The following AGBL1 variants were observed in gnomAD, a reference collection of about 807,000 sequenced individuals.
AGBL1 encodes cytosolic carboxypeptidase 4.
A neutral mutation model predicts 118.9 loss-of-function variants in AGBL1; 130 were observed. The observed-to-expected ratio is 1.09, with a 90% CI of 0.95 to 1.26. The LOEUF is 1.26. Ranked by LOEUF, AGBL1 falls within the 50% of genes most tolerant of loss-of-function variation. The probability of loss-of-function intolerance (pLI) is 0.00; values close to 1 mark genes in which losing one functional copy is unlikely to be tolerated. For missense variants in AGBL1, 1,584 were observed against 1,298.1 expected (o/e 1.22, Z -3.38); for synonymous variants, 555 against 478.9 (o/e 1.16, Z -2.08).
intron 23 of AGBL1, among the ~76,000 whole-genome samples, chr15:86,985,702 G>T (rs2081274563): frequency 6.6e-6 from 1 of 151,984 alleles, no homozygotes; most frequent in African/African-American, 2.4e-5. Context: ...CCCAGTGGTG[G>T]TATTCAAAGG....
chr15:86,818,130 C>T (rs556938621), intron 22 of AGBL1, among the ~76,000 whole-genome samples: 24 of 151,920 alleles, frequency 1.6e-4, no homozygotes, highest in African/African-American at 4.6e-4. Context: ...CACACACATG[C>T]GCGTGAGAGA....
At chr15:86,649,528 A>T (rs1224888059) in intron 21 of AGBL1, among the ~76,000 whole-genome samples, 3 of 152,146 alleles carry the variant, frequency 2.0e-5, no homozygotes, top group Non-Finnish European at 4.4e-5. Flanking sequence ...ACCTATATTC[A>T]GTTACTTGGA....
At chr15:86,762,014 T>C (rs1348601447) in intron 22 of AGBL1, among the ~76,000 whole-genome samples, 2 of 152,028 alleles carry the variant, frequency 1.3e-5, no homozygotes, top group Non-Finnish European at 2.9e-5. Context: ...GTGGCACATA[T>C]ACACCATGGA....
rs2079015484 is a variant in AGBL1, at chr15:86,262,890, T to C, written c.1082T>C (p.Phe361Ser). The change falls in exon 10 of 23, where the codon TTT becomes TCT. Residue 361 changes from phenylalanine (F) to serine (S), a missense_variant. Coordinates refer to ENST00000614907, the MANE Select transcript of AGBL1 (RefSeq NM_001386094.1). ...EVMCLELSYS[F>S]EELQSKLGDD... is the part of the protein sequence containing the mutation. Reference sequence around the variant, plus strand: ...ATGTGTCTTGAGCTCTCCTATAGCTTTGAGGTAGGACATATGCTGTGGTTC... The same window carrying C: ...ATGTGTCTTGAGCTCTCCTATAGCTCTGAGGTAGGACATATGCTGTGGTTC... 5 of 1,599,426 alleles carry C rather than the reference T, an allele frequency of 3.1e-6. No individual in the cohort carries two copies. The South Asian group carries it at 3.4e-5, about 11-fold the overall frequency.
chr15:86,223,011 C>T (rs574812227), intron 5 of AGBL1, among the ~76,000 whole-genome samples: 1 of 152,272 alleles, frequency 6.6e-6, no homozygotes, highest in East Asian at 1.9e-4. Context: ...ATCTGGCTTT[C>T]AGAAAATGTG....
chr15:86,396,930 G>A (rs2081374226), intron 17 of AGBL1, among the ~76,000 whole-genome samples: 2 of 152,120 alleles, frequency 1.3e-5, no homozygotes, highest in African/African-American at 4.8e-5. Flanking sequence ...TTGTGATCTT[G>A]ATAAAATCTG....
intron 18 of AGBL1, among the ~76,000 whole-genome samples, chr15:86,515,225 A>G (rs2083105633): frequency 6.6e-6 from 1 of 152,176 alleles, no homozygotes; most frequent in African/African-American, 2.4e-5. Flanking sequence ...TAATACTTCT[A>G]ATTATACATT....
At chr15:86,954,183 A>C (rs572328553) in intron 23 of AGBL1, among the ~76,000 whole-genome samples, 1 of 152,360 alleles carries the variant, frequency 6.6e-6, no homozygotes, top group African/African-American at 2.4e-5. Context: ...GGGAACACTT[A>C]TAAACTGTTG....
At chr15:86,513,148 C>T (rs1437032284) in intron 18 of AGBL1, among the ~76,000 whole-genome samples, 1 of 151,900 alleles carries the variant, frequency 6.6e-6, no homozygotes, top group Admixed American at 6.6e-5. Flanking sequence ...TCAGATTTCA[C>T]CAATCATTCC....
rs144974223 is a variant in AGBL1 at position 86,867,460 on chromosome 15, G to A, written c.3159-39627G>A. On this transcript the variant is annotated intron_variant, in intron 22 of 22. Coordinates refer to ENST00000614907, the MANE Select transcript of AGBL1 (RefSeq NM_001386094.1). ...CCCGAGGATGAGGGATTCTGTATGT[G>A]GCAGGAGTGAAAACAACAGTTTTTT... is the stretch of plus-strand genomic sequence containing the variant. Among the ~76,000 whole-genome samples the A allele has an allele frequency of 6.2e-3, 940 of 152,208 alleles. 3 individuals are homozygous for A. Among genetic ancestry groups the A allele is most frequent in the South Asian group, 0.011 (53 of 4,812 alleles).
intron 22 of AGBL1, among the ~76,000 whole-genome samples, chr15:86,824,745 T>A (rs2078984446): frequency 6.6e-6 from 1 of 151,964 alleles, no homozygotes; most frequent in African/African-American, 2.4e-5. Flanking sequence ...CACATATAGA[T>A]CAATAGAACA....
In AGBL1 at chr15:86,224,960, C is replaced by T. The variant is rs1362498551; in HGVS notation, c.526+9C>T. 3 of 1,612,854 alleles carry T rather than the reference C, an allele frequency of 1.9e-6. No homozygotes were observed. Among genetic ancestry groups the T allele is most frequent in the South Asian group, 1.1e-5 (1 of 91,014 alleles). On this transcript the variant is annotated intron_variant, in intron 6 of 22. Transcript: ENST00000614907. ...AGCATTGCTGAAATCCAGTAAGCAC[C>T]TCTTTTGAAGGGTGGCTATTTCTCT... is the stretch of plus-strand genomic sequence containing the variant.
chr15:86,270,079 T>TG lies in AGBL1; in HGVS notation c.1987+16dup, dbSNP rs754628179. On this transcript the variant is annotated intron_variant, in intron 14 of 22. Coordinates refer to ENST00000614907, the MANE Select transcript of AGBL1 (RefSeq NM_001386094.1). ...CCAGTTTAATTATGGTATGAACGCTTGGGGAGCAGGGGCTTTCTGGAACAT... is the reference window on the plus strand; with the variant it reads ...CCAGTTTAATTATGGTATGAACGCTTGGGGGAGCAGGGGCTTTCTGGAACAT... 3.1e-6 allele frequency: 5 copies of TG among 1,605,768 alleles called. No homozygotes were observed. In the African/African-American group the frequency reaches 6.7e-5, roughly 21 times the overall value.
rs10556535 is a variant in AGBL1 at position 86,913,200 on chromosome 15, TACACACACAC to T, written c.*5925_*5934del. On this transcript the variant is annotated 3_prime_UTR_variant, in exon 23 of 23. Transcript: ENST00000614907. The stretch of plus-strand genomic sequence containing the variant: ...TTGAGTTCCCCACCACACACACACA[TACACACACAC>T]ACACACACACACACACACGGCACAG... 0.14 allele frequency: 20,560 copies of T among 148,468 alleles called. 1,906 individuals carry two copies. Among genetic ancestry groups the T allele is most frequent in the African/African-American group, 0.27 (11,143 of 40,634 alleles). 9.2% of individuals were successfully genotyped at this position (148,468 alleles called of 1,614,324 possible).
At chr15:86,276,444 A>G (rs1200201277) in intron 15 of AGBL1, among the ~76,000 whole-genome samples, 2 of 152,222 alleles carry the variant, frequency 1.3e-5, no homozygotes, top group Non-Finnish European at 2.9e-5. Flanking sequence ...TCACCTTGAA[A>G]GGATGTCATT....
At chr15:86,798,192 T>C (rs1441252959) in intron 22 of AGBL1, among the ~76,000 whole-genome samples, 2 of 152,236 alleles carry the variant, frequency 1.3e-5, no homozygotes, top group East Asian at 3.9e-4. Context: ...AAACAACCGA[T>C]TCCACCACAT....
At chr15:86,447,834 T>C (rs999798254) in intron 18 of AGBL1, among the ~76,000 whole-genome samples, 4 of 152,024 alleles carry the variant, frequency 2.6e-5, no homozygotes, top group Non-Finnish European at 5.9e-5. Context: ...GAACTAATAA[T>C]ATAAGGCAAC....
Position 86,262,822 on chromosome 15 carries a change from T to C in AGBL1, c.1014T>C (p.Pro338=), listed in dbSNP as rs575477962. ...ETDVNKLSSK[P]GLDRPEEELM... ...ACGTGAACAAGCTGAGTTCCAAACC[T>C]GGTCTTGACCGACCTGAAGAGGAAC... Residue 338 remains proline, a synonymous_variant, in exon 10 of 23, where the codon CCT becomes CCC. Coordinates refer to ENST00000614907, the MANE Select transcript of AGBL1 (RefSeq NM_001386094.1). 14 of 1,611,318 alleles carry C rather than the reference T, an allele frequency of 8.7e-6. No homozygotes were observed. The African/African-American group carries it at 1.7e-4, about 20-fold the overall frequency.
At chr15:86,198,442 G>T (rs1475456227) in intron 5 of AGBL1, among the ~76,000 whole-genome samples, 1 of 152,142 alleles carries the variant, frequency 6.6e-6, no homozygotes, top group Non-Finnish European at 1.5e-5. Flanking sequence ...GGATGGAGTG[G>T]ATGTACTTTG....
Sources: gnomAD v4.1 joint callset for allele counts (sites outside exome capture counted in the v4.1 genomes callset) on GRCh38, gnomAD v4.1.1 for gene constraint, MANE v1.5 for transcripts, NCBI Gene and HGNC (gene_info 2026-07-23, HGNC 2026-07-21) for gene names.